The following FSTL4 variants were observed in gnomAD, a reference collection of about 807,000 sequenced individuals.
FSTL4 encodes the protein follistatin-related protein 4.
Under a neutral mutation model 78.2 loss-of-function variants are expected in FSTL4, and 28 were observed. That is an observed-to-expected ratio of 0.36 (90% CI 0.27 to 0.49). The LOEUF (loss-of-function observed/expected upper bound fraction) is 0.49, where lower values mean the gene tolerates loss of function less well. Ranked by LOEUF, FSTL4 falls within the 20% of genes least tolerant of loss-of-function variation. FSTL4 has a pLI of 0.98. For missense variants in FSTL4, 922 were observed against 1,084.9 expected (o/e 0.85, Z 2.11); for synonymous variants, 422 against 440.5 (o/e 0.96, Z 0.53).
At chr5:133,536,460 T>C (rs1157183338) in intron 3 of FSTL4, among the ~76,000 whole-genome samples, 6 of 152,278 alleles carry the variant, frequency 3.9e-5, no homozygotes, top group South Asian at 2.1e-4. Flanking sequence ...GACATGATTG[T>C]ATTGTCATTA....
chr5:133,705,686 C>T, the FSTL4 span, among the ~76,000 whole-genome samples: 1 of 152,160 alleles, frequency 6.6e-6, no homozygotes, highest in Admixed American at 6.5e-5. Context: ...CAACAGAACC[C>T]CAGTACCTGC....
chr5:133,409,522 C>T (rs1369027067), intron 3 of FSTL4, among the ~76,000 whole-genome samples: 1 of 152,238 alleles, frequency 6.6e-6, no homozygotes, highest in African/African-American at 2.4e-5. Context: ...GGCTGCCAAC[C>T]TGCTGGCCTG....
intron 4 of FSTL4, among the ~76,000 whole-genome samples, chr5:133,378,037 C>T (rs944389363): frequency 6.6e-6 from 1 of 152,034 alleles, no homozygotes; most frequent in Non-Finnish European, 1.5e-5. Flanking sequence ...AATCGTATAT[C>T]CAACAAAACC....
At chr5:133,395,064 G>A (rs553660484) in intron 4 of FSTL4, among the ~76,000 whole-genome samples, 10 of 152,014 alleles carry the variant, frequency 6.6e-5, no homozygotes, top group South Asian at 2.1e-4. Context: ...ACCAATCAGC[G>A]CTCTGTAAAA....
At chr5:133,536,780 A>C (rs1759358515) in intron 3 of FSTL4, among the ~76,000 whole-genome samples, 1 of 152,146 alleles carries the variant, frequency 6.6e-6, no homozygotes, top group Non-Finnish European at 1.5e-5. Context: ...TTCCAGATCT[A>C]TCTCTTTATA....
intron 4 of FSTL4, among the ~76,000 whole-genome samples, chr5:133,344,970 T>TG: frequency 7.2e-6 from 1 of 138,464 alleles, no homozygotes; most frequent in East Asian, 2.0e-4. Context: ...TGCCCCCACT[T>TG]TTTTTTTTTT....
At chr5:133,822,924 T>C in the FSTL4 span, among the ~76,000 whole-genome samples, 1 of 152,162 alleles carries the variant, frequency 6.6e-6, no homozygotes, top group East Asian at 1.9e-4. Context: ...ATAGAGATCT[T>C]ACCTAAACTA....
At chr5:133,503,269 T>C (rs1305837600) in intron 3 of FSTL4, among the ~76,000 whole-genome samples, 1 of 152,144 alleles carries the variant, frequency 6.6e-6, no homozygotes, top group Non-Finnish European at 1.5e-5. Flanking sequence ...TGATGGTAAA[T>C]GTTAAACAAC....
chr5:133,737,927 G>A, the FSTL4 span, among the ~76,000 whole-genome samples: 1 of 152,180 alleles, frequency 6.6e-6, no homozygotes, highest in Non-Finnish European at 1.5e-5. Context: ...TTGGGTATAT[G>A]CCCGGTAATG....
chr5:133,556,675 T>C (rs1314415821), intron 3 of FSTL4, among the ~76,000 whole-genome samples: 1 of 152,134 alleles, frequency 6.6e-6, no homozygotes, highest in Non-Finnish European at 1.5e-5. Flanking sequence ...TGCAAAAAGT[T>C]CAGGGCTCCT....
At chr5:133,324,276 T>C (rs1330093945) in intron 4 of FSTL4, among the ~76,000 whole-genome samples, 2 of 152,076 alleles carry the variant, frequency 1.3e-5, no homozygotes, top group Non-Finnish European at 2.9e-5. Flanking sequence ...CGTTGTGTAA[T>C]GTGGGCAATG....
At chr5:133,307,778 A>G (rs939300499) in intron 6 of FSTL4, among the ~76,000 whole-genome samples, 1 of 126,378 alleles carries the variant, frequency 7.9e-6, no homozygotes, top group Non-Finnish European at 1.7e-5. Context: ...CTGTCTCCCA[A>G]TTTTCTTTTT....
At chr5:133,455,689 C>A (rs1757473362) in intron 3 of FSTL4, among the ~76,000 whole-genome samples, 1 of 152,136 alleles carries the variant, frequency 6.6e-6, no homozygotes, top group Admixed American at 6.5e-5. Flanking sequence ...CAGCTCAAGA[C>A]CATATTCAAG....
At chr5:133,804,211 T>C in the FSTL4 span, among the ~76,000 whole-genome samples, 1 of 152,154 alleles carries the variant, frequency 6.6e-6, no homozygotes, top group Non-Finnish European at 1.5e-5. Context: ...TTATCCTGGA[T>C]AAAGGCAACA....
intron 4 of FSTL4, among the ~76,000 whole-genome samples, chr5:133,374,683 T>C (rs2126946843): frequency 6.6e-6 from 1 of 152,142 alleles, no homozygotes; most frequent in African/African-American, 2.4e-5. Context: ...TCCTCATGAA[T>C]GGGATTAATA....
intron 4 of FSTL4, among the ~76,000 whole-genome samples, chr5:133,375,373 T>C (rs1203929581): frequency 6.9e-6 from 1 of 145,702 alleles, no homozygotes; most frequent in Admixed American, 7.2e-5. Context: ...GTAAATCACT[T>C]TTATTTTTCT....
intron 2 of FSTL4, among the ~76,000 whole-genome samples, chr5:133,598,647 A>G (rs1252067982): frequency 6.6e-6 from 1 of 152,192 alleles, no homozygotes; most frequent in Non-Finnish European, 1.5e-5. Flanking sequence ...AGTGGCCCCC[A>G]CATCAACCAG....
the FSTL4 span, among the ~76,000 whole-genome samples, chr5:133,758,787 A>T: frequency 2.0e-5 from 3 of 152,158 alleles, no homozygotes; most frequent in Non-Finnish European, 2.9e-5. Flanking sequence ...GGTGGTTCTG[A>T]CTCAGATCTT....
chr5:133,774,587 A>G, the FSTL4 span, among the ~76,000 whole-genome samples: 1 of 152,240 alleles, frequency 6.6e-6, no homozygotes, highest in Non-Finnish European at 1.5e-5. Flanking sequence ...AGTTGAGAAC[A>G]TTGAATCCCT....
Sources: gnomAD v4.1 joint callset for allele counts (sites outside exome capture counted in the v4.1 genomes callset) on GRCh38, gnomAD v4.1.1 for gene constraint, MANE v1.5 for transcripts, NCBI Gene and HGNC (gene_info 2026-07-23, HGNC 2026-07-21) for gene names.